Variants in AGBL4 observed in about 807,000 individuals in gnomAD.
The protein encoded by AGBL4 is AGBL carboxypeptidase 4.
In AGBL4, 58 loss-of-function variants were observed where a neutral mutation model predicts 66.4. That is an observed-to-expected ratio of 0.87 (90% CI 0.71 to 1.09). The LOEUF is 1.09. AGBL4 is among the 50% of genes least tolerant of loss of function. AGBL4 has a pLI of 0.00. For synonymous variants in AGBL4, 234 were observed against 222.9 expected, an observed-to-expected ratio of 1.05 and a Z score of -0.44; for missense variants, 579 against 631.0, an observed-to-expected ratio of 0.92 and a Z score of 0.88.
At chr1:49,355,445 T>C (rs1643999935) in intron 3 of AGBL4, among the ~76,000 whole-genome samples, 1 of 152,206 alleles carries the variant, frequency 6.6e-6, no homozygotes, top group South Asian at 2.1e-4. Context: ...AATACAATTC[T>C]GGTCAAAGCC....
intron 3 of AGBL4, among the ~76,000 whole-genome samples, chr1:49,690,412 T>C (rs1215959565): frequency 6.6e-6 from 1 of 152,196 alleles, no homozygotes; most frequent in Non-Finnish European, 1.5e-5. Flanking sequence ...TTTCAATAGT[T>C]AGCTATATTT....
Position 48,726,917 on chromosome 1 carries a change from C to T in AGBL4, c.635-63676G>A, listed in dbSNP as rs149160563. ...GGAAACTCAGAGAGGACAGGTTAAG[C>T]CCAAAGCAGGCAGGGGAGCCAGGCT... On this transcript the variant is annotated intron_variant, in intron 6 of 13. Transcript: ENST00000371839. Among the ~76,000 whole-genome samples, 1,119 of 152,274 alleles carry T rather than the reference C, an allele frequency of 7.3e-3. 14 individuals are homozygous for T. Among genetic ancestry groups the T allele is most frequent in the Non-Finnish European group, 7.9e-3 (538 of 68,024 alleles).
At position 48,903,572 on chromosome 1, in the gene AGBL4, G is replaced by A. The variant is rs190243703; in HGVS notation, c.595-36342C>T. Among the ~76,000 whole-genome samples, 22 of 152,292 alleles carry A rather than the reference G, an allele frequency of 1.4e-4. 1 individual carries two copies. The highest frequency in any genetic ancestry group is 1.4e-3 in the East Asian group (7 of 5,178). The stretch of plus-strand genomic sequence containing the variant: ...GTGATGGCTTCAGTGATGTTGTCAG[G>A]GTTTGGTCTCTTGTTCAGCACTTCT... On this transcript the variant is annotated intron_variant, in intron 5 of 13. Coordinates refer to ENST00000371839, the MANE Select transcript of AGBL4 (RefSeq NM_032785.4).
intron 5 of AGBL4, among the ~76,000 whole-genome samples, chr1:49,030,040 A>C (rs1664075923): frequency 6.6e-6 from 1 of 152,148 alleles, no homozygotes; most frequent in Non-Finnish European, 1.5e-5. Flanking sequence ...GGAAGAGCGA[A>C]AATTATAAAG....
chr1:49,840,586 A>G (rs895696688), intron 2 of AGBL4, among the ~76,000 whole-genome samples: 20 of 152,164 alleles, frequency 1.3e-4, no homozygotes, highest in African/African-American at 4.8e-4. Context: ...CTTCAGGTCA[A>G]TATCGCCAAT....
intron 3 of AGBL4, among the ~76,000 whole-genome samples, chr1:49,636,321 T>C (rs1334630946): frequency 2.6e-5 from 4 of 152,188 alleles, no homozygotes; most frequent in Non-Finnish European, 4.4e-5. Context: ...TGTTCTTACA[T>C]GGTATATTGC....
intron 4 of AGBL4, among the ~76,000 whole-genome samples, chr1:49,076,903 C>A (rs1644719691): frequency 6.6e-6 from 1 of 152,178 alleles, no homozygotes; most frequent in Non-Finnish European, 1.5e-5. Flanking sequence ...AAGCACCAGT[C>A]ATTTTATGCT....
At chr1:49,628,456 T>C (rs1184810182) in intron 3 of AGBL4, among the ~76,000 whole-genome samples, 1 of 152,142 alleles carries the variant, frequency 6.6e-6, no homozygotes, top group African/African-American at 2.4e-5. Flanking sequence ...GCTTTCTTCT[T>C]TGTAATAAAA....
chr1:48,651,374 G>T (rs1488423484), intron 8 of AGBL4, among the ~76,000 whole-genome samples: 2 of 152,128 alleles, frequency 1.3e-5, no homozygotes, highest in Non-Finnish European at 2.9e-5. Context: ...TTTGGCCAAG[G>T]TCACTGACCT....
intron 5 of AGBL4, among the ~76,000 whole-genome samples, chr1:48,871,353 TTGTGTGTGTGTG>T (rs138337930): frequency 5.0e-5 from 7 of 140,976 alleles, no homozygotes; most frequent in African/African-American, 1.8e-4. Context: ...GTAGTAGTGG[TTGTGTGTGTGTG>T]TGTGTGTGTG....
chr1:49,737,917 G>A (rs1558206281), intron 2 of AGBL4, among the ~76,000 whole-genome samples: 1 of 152,234 alleles, frequency 6.6e-6, no homozygotes, highest in Non-Finnish European at 1.5e-5. Context: ...AATGATTTCT[G>A]CATTTCCAAC....
intron 2 of AGBL4, among the ~76,000 whole-genome samples, chr1:49,784,303 C>T (rs1041935504): frequency 2.6e-5 from 4 of 152,068 alleles, no homozygotes; most frequent in Admixed American, 6.6e-5. Context: ...TGGAATAGAA[C>T]TGAGAGTCCA....
chr1:49,153,333 G>A (rs1475216963), intron 4 of AGBL4, among the ~76,000 whole-genome samples: 1 of 152,022 alleles, frequency 6.6e-6, no homozygotes, highest in African/African-American at 2.4e-5. Flanking sequence ...AACTAGTGCT[G>A]CATAAAGAAT....
At chr1:48,579,365 T>C (rs963594876) in intron 11 of AGBL4, among the ~76,000 whole-genome samples, 1 of 151,850 alleles carries the variant, frequency 6.6e-6, no homozygotes, top group African/African-American at 2.4e-5. Flanking sequence ...GTAGCTGGGA[T>C]TACAGGGGCC....
chr1:48,949,452 C>T (rs1656789131), intron 5 of AGBL4, among the ~76,000 whole-genome samples: 1 of 152,084 alleles, frequency 6.6e-6, no homozygotes, highest in South Asian at 2.1e-4. Flanking sequence ...ACAGTGGATA[C>T]CAGAAAAGCA....
rs535276292 is a variant in AGBL4 at position 48,809,527 on chromosome 1, C to G, written c.634+57664G>C. ...ACATCATGTAGAAGTGGATAGCACC[C>G]TTTCTGAGCTTACATACAATGCCAC... On this transcript the variant is annotated intron_variant, in intron 6 of 13. Coordinates refer to ENST00000371839, the MANE Select transcript of AGBL4 (RefSeq NM_032785.4). Among the ~76,000 whole-genome samples the G allele has an allele frequency of 2.6e-5, 4 of 152,280 alleles. No homozygotes were observed. The East Asian group carries it at 7.7e-4, about 29-fold the overall frequency.
chr1:48,656,220 C>G (rs1218148312), intron 7 of AGBL4, among the ~76,000 whole-genome samples: 2 of 152,248 alleles, frequency 1.3e-5, no homozygotes, highest in Non-Finnish European at 2.9e-5. Context: ...CAGCTTCCAA[C>G]AGACCAGGAT....
chr1:49,263,819 G>A lies in AGBL4; in HGVS notation c.283-17955C>T, dbSNP rs114227685. ...AAACAAATTTTGCCCATTGTATAAGGAGACACATGCAGAGTTGTTCACTGT... is the reference window on the plus strand; with the variant it reads ...AAACAAATTTTGCCCATTGTATAAGAAGACACATGCAGAGTTGTTCACTGT... On this transcript the variant is annotated intron_variant, in intron 3 of 13. Coordinates refer to ENST00000371839, the MANE Select transcript of AGBL4 (RefSeq NM_032785.4). Among the ~76,000 whole-genome samples the A allele has an allele frequency of 6.6e-3, 1,000 of 152,186 alleles. 4 individuals carry two copies. Among genetic ancestry groups the A allele is most frequent in the Middle Eastern group, 0.021 (6 of 292 alleles).
At chr1:49,151,737 A>T (rs1274622619) in intron 4 of AGBL4, among the ~76,000 whole-genome samples, 1 of 152,226 alleles carries the variant, frequency 6.6e-6, no homozygotes, top group Non-Finnish European at 1.5e-5. Flanking sequence ...GAAGAATTAC[A>T]ACGTGTAGTA....
Sources: allele counts gnomAD v4.1 joint callset (sites outside exome capture counted in the v4.1 genomes callset), GRCh38; gene constraint gnomAD v4.1.1; transcripts MANE v1.5; gene names NCBI Gene and HGNC (gene_info 2026-07-23, HGNC 2026-07-21).